FARP2: variants seen among roughly 807,000 people sequenced by gnomAD.
FARP2 encodes FERM, ARHGEF and pleckstrin domain-containing protein 2.
In FARP2, 111 loss-of-function variants were observed where a neutral mutation model predicts 130.5. The ratio of observed to expected loss-of-function variants is 0.85; its 90% CI spans 0.73 to 1.00. The LOEUF is 1.00. Among genes scored for constraint, FARP2 ranks in the 50% least tolerant of loss-of-function variants. FARP2 has a pLI of 0.00. For missense variants in FARP2, 1,385 were observed against 1,346.3 expected, an observed-to-expected ratio of 1.03 and a Z score of -0.45; for synonymous variants, 504 against 516.9, an observed-to-expected ratio of 0.98 and a Z score of 0.34.
chr2:241,459,108 G>T lies in FARP2; in HGVS notation c.1587+2186G>T, dbSNP rs932738539. On this transcript the variant is annotated intron_variant, in intron 14 of 26. Transcript: ENST00000264042. The surrounding 1 kb of genome is among the most constrained non-coding windows in gnomAD (Gnocchi z 5.3). ...AATTCTGTGTGTGTGAGTTGAGATAGCAAGGCTGTTGCCCAGCACAGGTGG... is the reference window on the plus strand; with the variant it reads ...AATTCTGTGTGTGTGAGTTGAGATATCAAGGCTGTTGCCCAGCACAGGTGG... 1.1e-4 allele frequency among the ~76,000 whole-genome samples: 16 copies of T among 152,380 alleles called. No individual in the cohort carries two copies. Among genetic ancestry groups the T allele is most frequent in the African/African-American group, 3.1e-4 (13 of 41,588 alleles).
chr2:241,357,039 C>A (rs918440745), intron 1 of FARP2, among the ~76,000 whole-genome samples: 1 of 152,214 alleles, frequency 6.6e-6, no homozygotes, highest in Non-Finnish European at 1.5e-5. Context: ...ACCCGAATTA[C>A]GGGCACCTTT....
At chr2:241,393,364 A>G (rs1245569660) in intron 2 of FARP2, among the ~76,000 whole-genome samples, 2 of 152,142 alleles carry the variant, frequency 1.3e-5, no homozygotes, top group South Asian at 2.1e-4. Flanking sequence ...TTTGGTGTAC[A>G]GTATTTTAGG....
Position 241,491,606 on chromosome 2 carries a change from C to A in FARP2, c.2714C>A (p.Ala905Asp). The change falls in exon 24 of 27, where the codon GCC (alanine) becomes GAC (aspartate). Residue 905 changes from alanine to aspartate, a missense_variant. Coordinates refer to ENST00000264042, the MANE Select transcript of FARP2 (RefSeq NM_014808.4). ...CTGGAGGGGCATGGCCAGCACCGGG[C>A]CAACACCACAATGCACGTGTGCTGG... ...SSLEGHGQHR[A>D]NTTMHVCWYR... 1.9e-6 allele frequency: 3 copies of A among 1,613,732 alleles called. No homozygotes were observed. The highest frequency in any genetic ancestry group is 2.5e-6 in the Non-Finnish European group (3 of 1,179,970).
intron 19 of FARP2, among the ~76,000 whole-genome samples, chr2:241,477,453 A>G (rs1165428180): frequency 6.6e-6 from 1 of 152,130 alleles, no homozygotes; most frequent in Non-Finnish European, 1.5e-5. Context: ...TGGCTGAATC[A>G]TACTCCATCA....
chr2:241,384,019 G>A (rs527751677), intron 2 of FARP2, among the ~76,000 whole-genome samples: 5 of 151,744 alleles, frequency 3.3e-5, no homozygotes, highest in South Asian at 2.1e-4. Context: ...TTGCCCTTCT[G>A]TGAAGCCACC....
rs746597603 is a variant in FARP2 at position 241,475,828 on chromosome 2, C to T, written c.2132-29C>T. ...GGTGCTGTGCACACCACTGCCTGTA[C>T]ACCTGTACTGAGGGGTCTCTCCACA... is the stretch of plus-strand genomic sequence containing the variant. On this transcript the variant is annotated intron_variant, in intron 18 of 26. Coordinates refer to ENST00000264042, the MANE Select transcript of FARP2 (RefSeq NM_014808.4). The surrounding 1 kb of genome is among the most constrained non-coding windows in gnomAD (Gnocchi z 4.4). 64 of 1,592,874 alleles carry T rather than the reference C, an allele frequency of 4.0e-5. No individual in the cohort carries two copies. Among genetic ancestry groups the T allele is most frequent in the Non-Finnish European group, 5.4e-5 (63 of 1,169,374 alleles).
Position 241,493,324 on chromosome 2 carries a change from T to C in FARP2, c.2927T>C (p.Leu976Pro). 1 of 1,613,982 alleles carries C rather than the reference T, an allele frequency of 6.2e-7. No homozygotes were observed. Among genetic ancestry groups the C allele is most frequent in the Admixed American group, 1.7e-5 (1 of 60,018 alleles). The change falls in exon 26 of 27, where the codon CTG (leucine) becomes CCG (proline). Residue 976 changes from leucine (L) to proline (P), a missense_variant. Coordinates refer to ENST00000264042, the MANE Select transcript of FARP2 (RefSeq NM_014808.4). ...DDYPLASLPL[L>P]GYSVSIPREA... ...TACCCACTGGCCAGCCTCCCGCTGC[T>C]GGGCTACAGCGTGAGCATCCCCAGG...
At chr2:241,382,997 A>G (rs2150315708) in intron 2 of FARP2, among the ~76,000 whole-genome samples, 1 of 152,364 alleles carries the variant, frequency 6.6e-6, no homozygotes, top group South Asian at 2.1e-4. Flanking sequence ...ATAAGAATCG[A>G]GGAGTGCTGG....
At chr2:241,480,708 A>T (rs557437350) in intron 19 of FARP2, among the ~76,000 whole-genome samples, 1 of 152,200 alleles carries the variant, frequency 6.6e-6, no homozygotes, top group Admixed American at 6.5e-5. Context: ...AGAAAGGAAG[A>T]AAGAAAGAAA....
Position 241,441,322 on chromosome 2 carries a change from G to T in FARP2, c.1177G>T (p.Gly393Ter), listed in dbSNP as rs756830374. 6.2e-6 allele frequency: 10 copies of T among 1,602,968 alleles called. No individual in the cohort carries two copies. The Admixed American group carries it at 1.5e-4, about 24-fold the overall frequency. The change falls in exon 13 of 27, where the codon GGA (glycine) becomes TGA (stop). Residue 393 changes from glycine (G) to a stop codon, truncating the protein, a stop_gained. Coordinates refer to ENST00000264042, the MANE Select transcript of FARP2 (RefSeq NM_014808.4). LOFTEE classifies it high-confidence loss of function. ...TTCCCAGAGCATCTCATTCCCCGAG[G>T]GATTGAGGACTCCTGCCTCCCCATC... ...LPKQSISFPE[G>*]LRTPASPSSA...
chr2:241,419,029 T>C (rs2062745409), intron 8 of FARP2, among the ~76,000 whole-genome samples: 1 of 152,234 alleles, frequency 6.6e-6, no homozygotes, highest in African/African-American at 2.4e-5. Flanking sequence ...ATTGCCTGCA[T>C]GAGCTGCTGT....
intron 18 of FARP2, among the ~76,000 whole-genome samples, chr2:241,469,648 C>G (rs1229190850): frequency 2.6e-5 from 4 of 152,088 alleles, no homozygotes; most frequent in Admixed American, 1.3e-4. Context: ...ATAACCACAC[C>G]ATGTTTAAAA....
chr2:241,421,677 A>G (rs1282765325), intron 8 of FARP2, among the ~76,000 whole-genome samples: 4 of 152,054 alleles, frequency 2.6e-5, no homozygotes, highest in Non-Finnish European at 5.9e-5. Flanking sequence ...GCCACCCCCT[A>G]CAGGTGCATT....
At chr2:241,364,533 A>G (rs1383132371) in intron 1 of FARP2, among the ~76,000 whole-genome samples, 2 of 152,254 alleles carry the variant, frequency 1.3e-5, no homozygotes, top group Non-Finnish European at 1.5e-5. Flanking sequence ...TGTTAAGGCT[A>G]CAGTTAAAAA....
chr2:241,492,947 C>G lies in FARP2; in HGVS notation c.2806C>G (p.Leu936Val), dbSNP rs908902255. 1 of 1,609,368 alleles carries G rather than the reference C, an allele frequency of 6.2e-7. No individual in the cohort carries two copies. The highest frequency in any genetic ancestry group is 1.3e-5 in the African/African-American group (1 of 74,956). ...AAVENQLSGY[L>V]LRKFKNSHGW... The stretch of plus-strand genomic sequence containing the variant: ...TTGACAGAACCAGCTTTCAGGATAT[C>G]TGCTAAGAAAGTTCAAAAACAGTCA... Residue 936 changes from leucine to valine, a missense_variant, in exon 25 of 27, where the codon CTG (leucine) becomes GTG (valine). Transcript: ENST00000264042.
At chr2:241,363,512 AG>A (rs997889046) in intron 1 of FARP2, among the ~76,000 whole-genome samples, 7 of 152,256 alleles carry the variant, frequency 4.6e-5, no homozygotes, top group African/African-American at 9.6e-5. Context: ...GGAATTGCTC[AG>A]GAAAGTGACC....
intron 20 of FARP2, 91 bp from the exon 21 acceptor site, chr2:241,484,151 T>G: frequency 6.3e-7 from 1 of 1,579,550 alleles, no homozygotes; most frequent in Non-Finnish European, 8.6e-7. Context: ...AGATCTGATG[T>G]CCACATGATG....
chr2:241,450,699 C>T (rs967812511), intron 13 of FARP2, among the ~76,000 whole-genome samples: 1 of 151,752 alleles, frequency 6.6e-6, no homozygotes, highest in Admixed American at 6.6e-5. Flanking sequence ...GTGGCTCACA[C>T]CTGTAATCCC....
intron 12 of FARP2, among the ~76,000 whole-genome samples, chr2:241,441,039 A>G (rs1046347538): frequency 1.3e-5 from 2 of 152,084 alleles, no homozygotes; most frequent in African/African-American, 4.8e-5. Context: ...AATTTTAAAA[A>G]CTTTTCTTTA....
Sources: gnomAD v4.1 joint callset for allele counts (sites outside exome capture counted in the v4.1 genomes callset) on GRCh38, gnomAD v4.1.1 for gene constraint, Gnocchi (gnomAD v3.1) non-coding constraint, MANE v1.5 for transcripts, NCBI Gene and HGNC (gene_info 2026-07-23, HGNC 2026-07-21) for gene names.